The following CEPT1 variants were observed in gnomAD, a reference collection of about 807,000 sequenced individuals.
The protein encoded by CEPT1 is choline/ethanolamine phosphotransferase 1.
Under a neutral mutation model 42.6 loss-of-function variants are expected in CEPT1, and 7 were observed. The ratio of observed to expected loss-of-function variants is 0.16; its 90% confidence interval spans 0.09 to 0.31. CEPT1 has a LOEUF of 0.31. Among genes scored for constraint, CEPT1 ranks in the 10% least tolerant of loss-of-function variants. CEPT1 has a pLI of 1.00. For synonymous variants in CEPT1, 171 were observed against 171.9 expected, an observed-to-expected ratio of 0.99 and a Z score of 0.04; for missense variants, 306 against 502.1, an observed-to-expected ratio of 0.61 and a Z score of 3.73.
intron 2 of CEPT1, among the ~76,000 whole-genome samples, chr1:111,152,578 G>T (rs751945424): frequency 6.6e-6 from 1 of 152,044 alleles, no homozygotes; most frequent in Non-Finnish European, 1.5e-5. Context: ...AGTCTTTATT[G>T]TTTAGGATTG....
At chr1:111,154,094 T>C (rs1267766226) in intron 2 of CEPT1, among the ~76,000 whole-genome samples, 1 of 152,086 alleles carries the variant, frequency 6.6e-6, no homozygotes, top group Non-Finnish European at 1.5e-5. Context: ...TGACTTTTCA[T>C]TTTGTGTATA....
rs181230334 is a variant in CEPT1, at chr1:111,155,642, G to A, written c.340-3738G>A. On this transcript the variant is annotated intron_variant, in intron 2 of 8. Coordinates refer to ENST00000357172, the MANE Select transcript of CEPT1 (RefSeq NM_006090.5). The stretch of plus-strand genomic sequence containing the variant: ...GCAACCTCCGCCTCACCTGGGAGGC[G>A]ATCCTCCTGCCTCAGCCTCCCGAGT... 2.6e-4 allele frequency among the ~76,000 whole-genome samples: 40 copies of A among 152,006 alleles called. No individual in the cohort carries two copies. The East Asian group carries it at 6.8e-3, about 26-fold the overall frequency.
At chr1:111,148,875 A>G (rs1368138597) in intron 2 of CEPT1, among the ~76,000 whole-genome samples, 2 of 152,262 alleles carry the variant, frequency 1.3e-5, no homozygotes, top group East Asian at 3.8e-4. Context: ...TAGACTGATC[A>G]GTTTCTGGTA....
intron 1 of CEPT1, among the ~76,000 whole-genome samples, chr1:111,146,080 CTTT>C (rs78721621): frequency 7.3e-6 from 1 of 137,536 alleles, no homozygotes. Flanking sequence ...AAGATTCTTT[CTTT>C]TTTTTTTTTT....
intron 6 of CEPT1, 27 bp downstream of exon 6, chr1:111,182,345 C>T: frequency 6.2e-7 from 1 of 1,601,820 alleles, no homozygotes; most frequent in African/African-American, 1.3e-5. Flanking sequence ...ATTTTCAACA[C>T]TTGTTTACAC....
At chr1:111,149,423 C>A (rs1347820045) in intron 2 of CEPT1, among the ~76,000 whole-genome samples, 1 of 151,936 alleles carries the variant, frequency 6.6e-6, no homozygotes, top group African/African-American at 2.4e-5. Context: ...CCATCACGCC[C>A]GGCTAATTTT....
chr1:111,151,742 G>T (rs1655288948), intron 2 of CEPT1, among the ~76,000 whole-genome samples: 1 of 152,144 alleles, frequency 6.6e-6, no homozygotes, highest in South Asian at 2.1e-4. Flanking sequence ...GGAAGAAAAA[G>T]ATCTAGCTAT....
intron 1 of CEPT1, among the ~76,000 whole-genome samples, chr1:111,145,223 C>G (rs1206719745): frequency 6.6e-6 from 1 of 152,126 alleles, no homozygotes; most frequent in Non-Finnish European, 1.5e-5. Flanking sequence ...ACCGTGTTGG[C>G]CAGGCTGGTC....
chr1:111,160,336 T>G (rs1655803363), intron 3 of CEPT1: 1 of 152,226 alleles, frequency 6.6e-6, no homozygotes, highest in Non-Finnish European at 1.5e-5. Context: ...TATTTTTGTT[T>G]TATTTAGTTT....
At chr1:111,173,705 T>A (rs914976609) in intron 4 of CEPT1, among the ~76,000 whole-genome samples, 1 of 152,204 alleles carries the variant, frequency 6.6e-6, no homozygotes, top group South Asian at 2.1e-4. Context: ...TAGCCACCAC[T>A]CTTAGTTTGT....
chr1:111,171,778 G>A (rs629006), intron 4 of CEPT1, among the ~76,000 whole-genome samples: 26,319 of 152,120 alleles, frequency 0.17, 2,634 homozygotes, highest in Middle Eastern at 0.26. Context: ...TGCTCTTGTT[G>A]CCCAGGCTGG....
intron 5 of CEPT1, chr1:111,179,936 G>GA (rs1656888682): frequency 6.6e-6 from 1 of 152,192 alleles, no homozygotes; most frequent in Non-Finnish European, 1.5e-5. Context: ...CAAAAGTGAT[G>GA]AAAACCTTAA....
chr1:111,180,512 A>C (rs1315871467), intron 5 of CEPT1: 1 of 152,228 alleles, frequency 6.6e-6, no homozygotes, highest in Non-Finnish European at 1.5e-5. Context: ...TAGGGGGAGA[A>C]GATAACCATT....
chr1:111,183,384 T>C, intron 7 of CEPT1, 78 bp from the exon 8 acceptor site: 1 of 1,481,506 alleles, frequency 6.7e-7, no homozygotes, highest in Non-Finnish European at 9.3e-7. Context: ...AGTTGATATC[T>C]GAGCACAATA....
intron 2 of CEPT1, among the ~76,000 whole-genome samples, chr1:111,155,905 T>C (rs1200415488): frequency 6.6e-6 from 1 of 152,174 alleles, no homozygotes; most frequent in Non-Finnish European, 1.5e-5. Context: ...ATATATATAT[T>C]CTATTTCATT....
At chr1:111,139,577 C>CAGTT (rs1654099054), upstream of CEPT1, 1 of 152,298 alleles carries the variant, frequency 6.6e-6, no homozygotes, top group Non-Finnish European at 1.5e-5. Context: ...TTGGTAACTG[C>CAGTT]TTCAACAAAC....
rs572156769 is a variant in CEPT1, at chr1:111,182,036, T to C, written c.715-151T>C. 1.1e-3 allele frequency: 586 copies of C among 511,136 alleles called. 2 individuals carry two copies. The highest frequency in any genetic ancestry group is 9.0e-3 in the Middle Eastern group (17 of 1,894). 31.7% of individuals were successfully genotyped at this position (511,136 alleles called of 1,614,324 possible). A position where few individuals can be genotyped will look rare whatever the true frequency, so the allele number is the denominator to read the frequency against. On this transcript the variant is annotated intron_variant, in intron 5 of 8. Coordinates refer to ENST00000357172, the MANE Select transcript of CEPT1 (RefSeq NM_006090.5). ...CTCTTGAGACTTGCTATATTGCTTA[T>C]AATGAAGAGGAAAAGGACACTTTCA...
Position 111,183,592 on chromosome 1 carries a change from G to A in CEPT1, c.1131+5G>A, listed in dbSNP as rs1299224235. The A allele has an allele frequency of 3.1e-6, 5 of 1,610,034 alleles. No individual in the cohort carries two copies. The East Asian group carries it at 8.9e-5, about 29-fold the overall frequency. Reference sequence around the variant, plus strand: ...ATTGTACTTTGGATTGCCCTGGTAAGTATTGTACTAAGTCTTATTTCATGG... The same window carrying A: ...ATTGTACTTTGGATTGCCCTGGTAAATATTGTACTAAGTCTTATTTCATGG... On this transcript the variant is annotated splice_donor_5th_base_variant and intron_variant, in intron 8 of 8. Transcript: ENST00000357172.
At chr1:111,153,769 G>A (rs921961729) in intron 2 of CEPT1, among the ~76,000 whole-genome samples, 1 of 152,110 alleles carries the variant, frequency 6.6e-6, no homozygotes, top group Non-Finnish European at 1.5e-5. Context: ...TCAGTTGGCT[G>A]TAAATACATA....
Sources: gnomAD v4.1 joint callset for allele counts (sites outside exome capture counted in the v4.1 genomes callset) on GRCh38, gnomAD v4.1.1 for gene constraint, MANE v1.5 for transcripts, NCBI Gene and HGNC (gene_info 2026-07-23, HGNC 2026-07-21) for gene names.